CSMD3: variants seen among roughly 807,000 people sequenced by gnomAD.
The protein encoded by CSMD3 is CUB and sushi domain-containing protein 3.
Under a neutral mutation model 435.2 loss-of-function variants are expected in CSMD3, and 177 were observed. The ratio of observed to expected loss-of-function variants is 0.41; its 90% confidence interval spans 0.36 to 0.46. CSMD3 has a LOEUF of 0.46. CSMD3 is among the 20% of genes least tolerant of loss of function. The pLI is 0.34. For synonymous variants in CSMD3, 1,656 were observed against 1,520.5 expected (o/e 1.09, Z -2.07); for missense variants, 4,265 against 4,504.6 (o/e 0.95, Z 1.52).
chr8:112,386,599 G>A (rs1454447124), intron 36 of CSMD3, among the ~76,000 whole-genome samples: 3 of 152,032 alleles, frequency 2.0e-5, no homozygotes, highest in Admixed American at 6.6e-5. Context: ...CCGGGTTCAC[G>A]TCATTCTCCT....
chr8:113,399,363 T>G (rs1360213594), intron 1 of CSMD3, among the ~76,000 whole-genome samples: 1 of 151,326 alleles, frequency 6.6e-6, no homozygotes, highest in African/African-American at 2.4e-5. Flanking sequence ...ACAGAAAACC[T>G]CGTATGCAAA....
In CSMD3 at chr8:112,314,014, C is replaced by T. The variant is rs2130831838; in HGVS notation, c.7588G>A (p.Gly2530Arg). The T allele has an allele frequency of 1.2e-6, 2 of 1,610,768 alleles. No homozygotes were observed. Among genetic ancestry groups the T allele is most frequent in the Non-Finnish European group, 1.7e-6 (2 of 1,177,390 alleles). ...IQSPVLISLS[G>R]DYSSAFNITS... Reference sequence around the variant, plus strand: ...ATATTAAAAGCAGATGAATAATCCCCACTGAGGGAAATAAGCACTGGACTT... The same window carrying T: ...ATATTAAAAGCAGATGAATAATCCCTACTGAGGGAAATAAGCACTGGACTT... Residue 2530 changes from glycine (G) to arginine (R), a missense_variant, in exon 49 of 71, where the codon GGG becomes AGG. Coordinates refer to ENST00000297405, the MANE Select transcript of CSMD3 (RefSeq NM_198123.2).
intron 10 of CSMD3, among the ~76,000 whole-genome samples, chr8:112,863,622 A>G (rs1390311517): frequency 1.3e-5 from 2 of 152,038 alleles, no homozygotes; most frequent in Non-Finnish European, 2.9e-5. Flanking sequence ...ATTATTATTT[A>G]TATTTCCACA....
At chr8:113,119,792 G>A (rs747884930) in intron 4 of CSMD3, among the ~76,000 whole-genome samples, 60 of 151,790 alleles carry the variant, frequency 4.0e-4, no homozygotes, top group Non-Finnish European at 8.2e-4. Context: ...GTAAATAATG[G>A]GAATGCAAAA....
At chr8:112,864,126 TATA>T (rs1244916355) in intron 10 of CSMD3, among the ~76,000 whole-genome samples, 2 of 152,298 alleles carry the variant, frequency 1.3e-5, no homozygotes, top group African/African-American at 4.8e-5. Context: ...ATTCAAGAGA[TATA>T]ATAATTTATC....
chr8:112,967,597 T>G (rs1394592519), intron 7 of CSMD3, among the ~76,000 whole-genome samples: 2 of 151,868 alleles, frequency 1.3e-5, no homozygotes, highest in African/African-American at 4.8e-5. Flanking sequence ...AAATTTTAAC[T>G]CCCCAGAGTC....
chr8:113,411,225 A>T (rs1179640935), intron 1 of CSMD3, among the ~76,000 whole-genome samples: 1 of 152,126 alleles, frequency 6.6e-6, no homozygotes, highest in Non-Finnish European at 1.5e-5. Context: ...TATCAAGCAG[A>T]GGATAGTGCT....
intron 22 of CSMD3, among the ~76,000 whole-genome samples, chr8:112,592,270 C>T (rs1175241191): frequency 6.6e-6 from 1 of 151,890 alleles, no homozygotes; most frequent in Non-Finnish European, 1.5e-5. Flanking sequence ...TATGCCCCTA[C>T]TGAGAATATG....
intron 1 of CSMD3, among the ~76,000 whole-genome samples, chr8:113,358,014 C>T (rs531600224): frequency 1.3e-5 from 2 of 152,208 alleles, no homozygotes; most frequent in Admixed American, 6.5e-5. Context: ...AGACTAATAC[C>T]GAGTATGCAT....
chr8:112,761,348 T>C (rs1164486655), intron 13 of CSMD3, among the ~76,000 whole-genome samples: 1 of 152,156 alleles, frequency 6.6e-6, no homozygotes, highest in Non-Finnish European at 1.5e-5. Flanking sequence ...AATATGTTTT[T>C]AGAAAAGTAT....
chr8:112,743,456 G>C (rs181001383), intron 13 of CSMD3, among the ~76,000 whole-genome samples: 1 of 151,626 alleles, frequency 6.6e-6, no homozygotes, highest in African/African-American at 2.4e-5. Context: ...TCTAAATAAC[G>C]CTATGGATTA....
intron 16 of CSMD3, among the ~76,000 whole-genome samples, chr8:112,675,389 T>G (rs2075749673): frequency 6.6e-6 from 1 of 152,098 alleles, no homozygotes; most frequent in Admixed American, 6.6e-5. Context: ...AGCAGACCCA[T>G]GAATGTATTA....
intron 5 of CSMD3, chr8:113,098,389 G>GT: frequency 4.5e-6 from 1 of 223,930 alleles, no homozygotes; most frequent in Non-Finnish European, 8.9e-6. Context: ...AGATGATGGT[G>GT]TTTAATTTTT....
chr8:112,329,872 C>A (rs1425755569), intron 45 of CSMD3, among the ~76,000 whole-genome samples: 1 of 151,982 alleles, frequency 6.6e-6, no homozygotes, highest in Non-Finnish European at 1.5e-5. Flanking sequence ...CCTAACAGTT[C>A]TAGCAGTTTG....
chr8:112,612,585 T>TCA (rs1300557237), intron 22 of CSMD3, among the ~76,000 whole-genome samples: 4 of 152,136 alleles, frequency 2.6e-5, no homozygotes, highest in Middle Eastern at 3.4e-3. Context: ...TAAGCTGTGA[T>TCA]CAGAGTTGGG....
rs544391168 is a variant in CSMD3, at chr8:113,118,075, G to A, written c.710-19112C>T. ...AAGTTCTTCCTATGATTGATTACATGATGTCATTCAAATCAGTAATGCTTT... is the reference window on the plus strand; with the variant it reads ...AAGTTCTTCCTATGATTGATTACATAATGTCATTCAAATCAGTAATGCTTT... On this transcript the variant is annotated intron_variant, in intron 4 of 70. Transcript: ENST00000297405. Among the ~76,000 whole-genome samples, 29 of 152,204 alleles carry A rather than the reference G, an allele frequency of 1.9e-4. No individual in the cohort carries two copies. In the South Asian group the frequency reaches 5.8e-3, roughly 30 times the overall value.
intron 11 of CSMD3, among the ~76,000 whole-genome samples, chr8:112,840,718 T>TA (rs1048345047): frequency 2.6e-5 from 4 of 151,626 alleles, no homozygotes; most frequent in East Asian, 1.9e-4. Context: ...AAAACTTTAA[T>TA]AAAAAAAGAG....
At chr8:112,691,603 G>T (rs553816434) in intron 13 of CSMD3, among the ~76,000 whole-genome samples, 1 of 152,118 alleles carries the variant, frequency 6.6e-6, no homozygotes, top group African/African-American at 2.4e-5. Flanking sequence ...TTTGCTGGTA[G>T]TTTAGTTGTA....
At chr8:112,406,119 T>TA (rs994813286) in intron 35 of CSMD3, among the ~76,000 whole-genome samples, 52 of 151,882 alleles carry the variant, frequency 3.4e-4, no homozygotes, top group African/African-American at 1.1e-3. Flanking sequence ...TGCCTGCTTG[T>TA]AAAAAAAATC....
Sources: allele counts gnomAD v4.1 joint callset (sites outside exome capture counted in the v4.1 genomes callset), GRCh38; gene constraint gnomAD v4.1.1; transcripts MANE v1.5; gene names NCBI Gene and HGNC (gene_info 2026-07-23, HGNC 2026-07-21).